The following C1orf185 variants were observed in gnomAD, a reference collection of about 807,000 sequenced individuals.
C1orf185 encodes the protein chromosome 1 open reading frame 185, also known as uncharacterized protein C1orf185.
A neutral mutation model predicts 16.1 loss-of-function variants in C1orf185; 13 were observed. The ratio of observed to expected loss-of-function variants is 0.81; its 90% confidence interval spans 0.53 to 1.28. C1orf185 has a LOEUF of 1.28. C1orf185 is among the 50% of genes most tolerant of loss of function. The pLI is 0.00. For synonymous variants in C1orf185, 80 were observed against 76.9 expected, an observed-to-expected ratio of 1.04 and a Z score of -0.21; for missense variants, 220 against 225.2, an observed-to-expected ratio of 0.98 and a Z score of 0.15.
At chr1:51,117,183 A>C (rs1646164139) in intron 2 of C1orf185, among the ~76,000 whole-genome samples, 1 of 152,176 alleles carries the variant, frequency 6.6e-6, no homozygotes, top group Admixed American at 6.5e-5. Context: ...ATACTCAATA[A>C]ATATTTGTCG....
intron 3 of C1orf185, among the ~76,000 whole-genome samples, chr1:51,137,442 G>A (rs1011127901): frequency 6.6e-6 from 1 of 152,108 alleles, no homozygotes; most frequent in Admixed American, 6.5e-5. Context: ...GCTGAGGCAG[G>A]ACAATCACTT....
intron 3 of C1orf185, among the ~76,000 whole-genome samples, chr1:51,133,429 A>G (rs2148025848): frequency 6.6e-6 from 1 of 152,370 alleles, no homozygotes; most frequent in Non-Finnish European, 1.5e-5. Flanking sequence ...AACAGACTTC[A>G]AACCAGCAAA....
chr1:51,139,729 T>C (rs1207707118), intron 3 of C1orf185, among the ~76,000 whole-genome samples: 1 of 152,204 alleles, frequency 6.6e-6, no homozygotes, highest in Non-Finnish European at 1.5e-5. Flanking sequence ...TTAAAACTTG[T>C]ACGAACCATT....
chr1:51,123,659 T>G (rs919291744), intron 3 of C1orf185, among the ~76,000 whole-genome samples: 1 of 152,204 alleles, frequency 6.6e-6, no homozygotes, highest in Non-Finnish European at 1.5e-5. Flanking sequence ...TTGTTCCCCA[T>G]TCTCACCAGC....
chr1:51,151,274 C>T (rs1646428299), downstream of C1orf185, among the ~76,000 whole-genome samples: 1 of 152,078 alleles, frequency 6.6e-6, no homozygotes, highest in Non-Finnish European at 1.5e-5. Context: ...CTATTTCTAC[C>T]AGTCAAGGTT....
chr1:51,105,344 G>A (rs1343342628), intron 1 of C1orf185, among the ~76,000 whole-genome samples: 1 of 150,720 alleles, frequency 6.6e-6, no homozygotes. Context: ...TAACTATGCA[G>A]CCTTAAAAAA....
At chr1:51,140,943 T>G (rs1003775686) in intron 3 of C1orf185, among the ~76,000 whole-genome samples, 1 of 152,172 alleles carries the variant, frequency 6.6e-6, no homozygotes, top group Non-Finnish European at 1.5e-5. Context: ...TTATTGACTT[T>G]CTTTGTTGTT....
chr1:51,130,009 T>C (rs1441895348), intron 3 of C1orf185, among the ~76,000 whole-genome samples: 1 of 152,206 alleles, frequency 6.6e-6, no homozygotes, highest in Non-Finnish European at 1.5e-5. Context: ...AGTTTGTTCT[T>C]TTTCATGGCT....
intron 3 of C1orf185, among the ~76,000 whole-genome samples, chr1:51,141,519 A>G (rs1352039150): frequency 6.6e-6 from 1 of 152,172 alleles, no homozygotes; most frequent in African/African-American, 2.4e-5. Context: ...TCAAGTACTT[A>G]TAATTAGCCC....
chr1:51,107,020 A>G (rs1646078049), intron 1 of C1orf185, among the ~76,000 whole-genome samples: 3 of 151,956 alleles, frequency 2.0e-5, no homozygotes, highest in Non-Finnish European at 2.9e-5. Context: ...GCCTCCCAAA[A>G]TGCTGGGATT....
At chr1:51,120,975 A>G (rs1251208299) in intron 3 of C1orf185, among the ~76,000 whole-genome samples, 1 of 152,116 alleles carries the variant, frequency 6.6e-6, no homozygotes, top group Non-Finnish European at 1.5e-5. Context: ...TCTTTTATTT[A>G]TTTTTTAATT....
At chr1:51,134,333 C>A (rs1017881735) in intron 3 of C1orf185, among the ~76,000 whole-genome samples, 5 of 152,022 alleles carry the variant, frequency 3.3e-5, no homozygotes, top group Admixed American at 1.3e-4. Context: ...TGGGACATAG[C>A]TAAGGCAGTA....
intron 3 of C1orf185, among the ~76,000 whole-genome samples, chr1:51,130,271 A>G (rs1449931400): frequency 6.6e-6 from 1 of 152,082 alleles, no homozygotes; most frequent in Non-Finnish European, 1.5e-5. Flanking sequence ...CTTTTAAGAA[A>G]CTGTCAGACT....
At chr1:51,128,179 G>A (rs1329282474) in intron 3 of C1orf185, among the ~76,000 whole-genome samples, 6 of 151,984 alleles carry the variant, frequency 3.9e-5, no homozygotes, top group East Asian at 1.9e-4. Flanking sequence ...GTGAGCCACC[G>A]CGCCCAGCCT....
At chr1:51,110,541 A>G (rs993708707) in intron 1 of C1orf185, among the ~76,000 whole-genome samples, 3 of 152,196 alleles carry the variant, frequency 2.0e-5, no homozygotes, top group African/African-American at 7.2e-5. Context: ...AATCTTTATC[A>G]TGTCATATTC....
chr1:51,149,852 C>G (rs951560663), downstream of C1orf185, among the ~76,000 whole-genome samples: 3 of 152,178 alleles, frequency 2.0e-5, no homozygotes, highest in African/African-American at 7.2e-5. Context: ...CTTGTCCCAG[C>G]CTTCATGAAG....
intron 3 of C1orf185, among the ~76,000 whole-genome samples, chr1:51,129,137 G>A (rs922687439): frequency 1.8e-4 from 27 of 151,954 alleles, no homozygotes; most frequent in Admixed American, 9.2e-4. Flanking sequence ...CACCTGCCTC[G>A]GCCTCCCAAA....
intron 2 of C1orf185, among the ~76,000 whole-genome samples, chr1:51,115,403 TTGAG>T (rs1264526437): frequency 1.3e-5 from 2 of 152,236 alleles, no homozygotes; most frequent in African/African-American, 4.8e-5. Flanking sequence ...CATTGTTTTA[TTGAG>T]TAATATTCCA....
intron 1 of C1orf185, among the ~76,000 whole-genome samples, chr1:51,110,726 C>A (rs1222320058): frequency 6.6e-6 from 1 of 151,950 alleles, no homozygotes; most frequent in Admixed American, 6.6e-5. Context: ...CCCAGCACTG[C>A]GGGAGGCTGA....
Sources: gnomAD v4.1 joint callset for allele counts (sites outside exome capture counted in the v4.1 genomes callset) on GRCh38, gnomAD v4.1.1 for gene constraint, MANE v1.5 for transcripts, NCBI Gene and HGNC (gene_info 2026-07-23, HGNC 2026-07-21) for gene names.